Variants in LDB2 observed in about 807,000 individuals in gnomAD.
The protein encoded by LDB2 is LIM domain-binding protein 2.
A neutral mutation model predicts 44.3 loss-of-function variants in LDB2; 12 were observed. The observed-to-expected ratio is 0.27, with a 90% CI of 0.17 to 0.44. The LOEUF is 0.44. Among genes scored for constraint, LDB2 ranks in the 20% least tolerant of loss-of-function variants. The pLI is 1.00. For synonymous variants in LDB2, 164 were observed against 174.8 expected (o/e 0.94, Z 0.49); for missense variants, 344 against 473.5 (o/e 0.73, Z 2.54).
chr4:16,825,498 G>C (rs547581476), intron 1 of LDB2, among the ~76,000 whole-genome samples: 15 of 152,204 alleles, frequency 9.9e-5, no homozygotes, highest in South Asian at 6.2e-4. Context: ...ACATAATGCG[G>C]GTAAAGAAGA....
In LDB2 at chr4:16,821,579, C is replaced by G. The variant is rs111613778; in HGVS notation, c.133-62319G>C. ...TTTTTTTTTGTATTTTTAGTAGAGA[C>G]GAGGATTCACCGTGTTAGCCAGGAT... On this transcript the variant is annotated intron_variant, in intron 1 of 7. Coordinates refer to ENST00000304523, the MANE Select transcript of LDB2 (RefSeq NM_001290.5). Among the ~76,000 whole-genome samples, 42 of 148,834 alleles carry G rather than the reference C, an allele frequency of 2.8e-4. 1 individual carries two copies. Among genetic ancestry groups the G allele is most frequent in the African/African-American group, 9.6e-4 (39 of 40,694 alleles).
chr4:16,893,116 TTTG>T, intron 1 of LDB2: 1 of 958,412 alleles, frequency 1.0e-6, no homozygotes, highest in Non-Finnish European at 1.2e-6. Context: ...AATAAGAGAG[TTTG>T]GAAGTTCTCA....
At chr4:16,636,284 C>T (rs995539379) in intron 2 of LDB2, among the ~76,000 whole-genome samples, 3 of 152,170 alleles carry the variant, frequency 2.0e-5, no homozygotes, top group Non-Finnish European at 4.4e-5. Context: ...ATAAGGAAAA[C>T]CACACAAATG....
intron 5 of LDB2, among the ~76,000 whole-genome samples, chr4:16,529,150 A>G (rs1002602294): frequency 7.2e-5 from 11 of 152,184 alleles, no homozygotes; most frequent in African/African-American, 2.4e-4. Context: ...GGAAAGGGAA[A>G]CCAGAGGGAA....
chr4:16,846,913 G>A (rs563515452), intron 1 of LDB2, among the ~76,000 whole-genome samples: 2 of 152,340 alleles, frequency 1.3e-5, no homozygotes, highest in South Asian at 2.1e-4. Flanking sequence ...TCAAGCGGAT[G>A]TTTGTCAAAG....
chr4:16,719,624 G>A (rs1001203660), intron 2 of LDB2, among the ~76,000 whole-genome samples: 3 of 152,036 alleles, frequency 2.0e-5, no homozygotes, highest in Non-Finnish European at 4.4e-5. Context: ...GTTGAAATAT[G>A]TCCCCGAAAG....
chr4:16,822,488 T>G (rs370290464), intron 1 of LDB2, among the ~76,000 whole-genome samples: 2 of 152,114 alleles, frequency 1.3e-5, no homozygotes, highest in South Asian at 4.1e-4. Context: ...TAATCTTAGT[T>G]TTCTCTGTCA....
intron 2 of LDB2, among the ~76,000 whole-genome samples, chr4:16,682,231 C>T (rs1181152648): frequency 1.3e-5 from 2 of 151,966 alleles, no homozygotes; most frequent in Non-Finnish European, 2.9e-5. Context: ...AGAAACAAGT[C>T]AAAAAGTAAC....
chr4:16,758,333 A>G (rs1178585725), intron 2 of LDB2, among the ~76,000 whole-genome samples: 1 of 152,214 alleles, frequency 6.6e-6, no homozygotes, highest in Non-Finnish European at 1.5e-5. Context: ...TCATCATTCC[A>G]TGGCTGGTTC....
intron 2 of LDB2, among the ~76,000 whole-genome samples, chr4:16,736,365 AG>A (rs1761916385): frequency 6.6e-6 from 1 of 152,200 alleles, no homozygotes; most frequent in African/African-American, 2.4e-5. Context: ...GTCCCCAAAA[AG>A]CAAGAATCCA....
Position 16,512,029 on chromosome 4 carries a change from G to C in LDB2, c.691C>G (p.Leu231Val). The change falls in exon 6 of 8, where the codon CTG becomes GTG. Residue 231 changes from leucine to valine, a missense_variant. By Grantham distance (32) the Leu-to-Val change is conservative (BLOSUM62 1). Coordinates refer to ENST00000304523, the MANE Select transcript of LDB2 (RefSeq NM_001290.5). ...KTYNLSPRDCLKTCLFQKWQR... is the reference protein window; with the variant it reads ...KTYNLSPRDCVKTCLFQKWQR... ...CACTTCTGAAACAAGCAGGTCTTCA[G>C]GCAGTCTCGGGGACTGAGGTTGTAA... The C allele has an allele frequency of 6.2e-7, 1 of 1,613,688 alleles. No homozygotes were observed. The highest frequency in any genetic ancestry group is 8.5e-7 in the Non-Finnish European group (1 of 1,179,744).
intron 1 of LDB2, among the ~76,000 whole-genome samples, chr4:16,765,775 A>G (rs771092842): frequency 3.3e-5 from 5 of 152,200 alleles, no homozygotes; most frequent in African/African-American, 1.2e-4. Context: ...CTGTCACATC[A>G]CTGTTATCTC....
intron 4 of LDB2, among the ~76,000 whole-genome samples, chr4:16,587,539 A>G (rs1717431693): frequency 6.6e-6 from 1 of 152,188 alleles, no homozygotes; most frequent in Non-Finnish European, 1.5e-5. Context: ...AATGTAAACT[A>G]AGCTTTAAAA....
At position 16,808,175 on chromosome 4, in the gene LDB2, G is replaced by A. The variant is rs182137042; in HGVS notation, c.133-48915C>T. ...ACAGTGGACGTCTCTCTTCCGATACGCCCCTCTGGAAAACTCTGGAATCTT... is the reference window on the plus strand; with the variant it reads ...ACAGTGGACGTCTCTCTTCCGATACACCCCTCTGGAAAACTCTGGAATCTT... On this transcript the variant is annotated intron_variant, in intron 1 of 7. Coordinates refer to ENST00000304523, the MANE Select transcript of LDB2 (RefSeq NM_001290.5). 8.7e-4 allele frequency among the ~76,000 whole-genome samples: 132 copies of A among 152,222 alleles called. 2 individuals are homozygous for A. In the Middle Eastern group the frequency reaches 0.041, roughly 47 times the overall value.
chr4:16,643,914 T>C (rs1006244791), intron 2 of LDB2, among the ~76,000 whole-genome samples: 1 of 152,254 alleles, frequency 6.6e-6, no homozygotes, highest in African/African-American at 2.4e-5. Flanking sequence ...GTGTGTGCAA[T>C]GGCAAATATA....
intron 2 of LDB2, among the ~76,000 whole-genome samples, chr4:16,732,943 G>A (rs774577597): frequency 6.6e-6 from 1 of 152,148 alleles, no homozygotes; most frequent in Non-Finnish European, 1.5e-5. Context: ...TAAGGTCGGG[G>A]GAAAGGCATA....
chr4:16,885,325 G>C (rs1721354188), intron 1 of LDB2, among the ~76,000 whole-genome samples: 1 of 150,870 alleles, frequency 6.6e-6, no homozygotes, highest in Admixed American at 6.6e-5. Flanking sequence ...GCAAGACGCT[G>C]TCTCAAAAAA....
intron 7 of LDB2, 119 bp downstream of exon 7, chr4:16,508,416 C>G (rs1404020854): frequency 8.4e-6 from 8 of 951,122 alleles, no homozygotes; most frequent in Non-Finnish European, 1.2e-5. Context: ...ATCCCTCCCC[C>G]ACCTCCAACC....
intron 1 of LDB2, among the ~76,000 whole-genome samples, chr4:16,852,371 A>G (rs551949375): frequency 6.6e-6 from 1 of 152,206 alleles, no homozygotes; most frequent in Non-Finnish European, 1.5e-5. Flanking sequence ...AACAGGATGG[A>G]TCTTTCTTTT....
Sources: gnomAD v4.1 joint callset for allele counts (sites outside exome capture counted in the v4.1 genomes callset) on GRCh38, gnomAD v4.1.1 for gene constraint, MANE v1.5 for transcripts, NCBI Gene and HGNC (gene_info 2026-07-23, HGNC 2026-07-21) for gene names.